The following ELMO1 variants were observed in gnomAD, a reference collection of about 807,000 sequenced individuals.
ELMO1 encodes the protein engulfment and cell motility protein 1.
Under a neutral mutation model 98.9 loss-of-function variants are expected in ELMO1, and 26 were observed. That is an observed-to-expected ratio of 0.26 (90% confidence interval 0.19 to 0.36). ELMO1 has a LOEUF of 0.36. Among genes scored for constraint, ELMO1 ranks in the 10% least tolerant of loss-of-function variants. The probability of loss-of-function intolerance (pLI) is 1.00; values close to 1 mark genes in which losing one functional copy is unlikely to be tolerated. For missense variants in ELMO1, 627 were observed against 935.2 expected, an observed-to-expected ratio of 0.67 and a Z score of 4.30; for synonymous variants, 346 against 346.0, an observed-to-expected ratio of 1.00 and a Z score of 0.00.
At chr7:37,344,846 C>A (rs965971405) in intron 1 of ELMO1, among the ~76,000 whole-genome samples, 4 of 152,202 alleles carry the variant, frequency 2.6e-5, no homozygotes, top group African/African-American at 9.7e-5. Context: ...ACATTTGTCC[C>A]TTTTCTATTG....
chr7:37,438,257 T>C (rs1044757049), intron 1 of ELMO1, among the ~76,000 whole-genome samples: 2 of 151,980 alleles, frequency 1.3e-5, no homozygotes, highest in African/African-American at 4.8e-5. Context: ...CTTTTTATGA[T>C]TTCAGCAAGA....
chr7:37,214,557 T>C (rs1487445688), intron 11 of ELMO1, among the ~76,000 whole-genome samples: 2 of 151,636 alleles, frequency 1.3e-5, no homozygotes, highest in South Asian at 4.2e-4. Context: ...CATGCTGAAA[T>C]AGCTAATTCA....
chr7:37,395,848 T>C (rs1208172253), intron 1 of ELMO1, among the ~76,000 whole-genome samples: 1 of 152,234 alleles, frequency 6.6e-6, no homozygotes, highest in African/African-American at 2.4e-5. Flanking sequence ...TGTGTAGTGC[T>C]ACAAGGAATA....
intron 1 of ELMO1, among the ~76,000 whole-genome samples, chr7:37,413,014 C>G (rs10273878): frequency 0.17 from 25,484 of 152,164 alleles, 2,315 homozygotes; most frequent in South Asian, 0.26. Flanking sequence ...CTGGGTTCCT[C>G]AACCACTAAA....
At chr7:37,250,791 CAAAAAAA>C (rs574487076) in intron 6 of ELMO1, among the ~76,000 whole-genome samples, 1 of 64,836 alleles carries the variant, frequency 1.5e-5, no homozygotes, top group African/African-American at 5.4e-5. Context: ...GACTCCGTCT[CAAAAAAA>C]AAAAAAAAAA....
At chr7:37,055,272 T>C (rs1340869568) in intron 15 of ELMO1, among the ~76,000 whole-genome samples, 1 of 152,186 alleles carries the variant, frequency 6.6e-6, no homozygotes, top group Non-Finnish European at 1.5e-5. Context: ...GTGAAGAACA[T>C]ACGCTTTAAA....
chr7:36,979,922 C>T (rs1790903833), intron 16 of ELMO1, among the ~76,000 whole-genome samples: 1 of 152,128 alleles, frequency 6.6e-6, no homozygotes, highest in African/African-American at 2.4e-5. Context: ...CAGAACTGCC[C>T]CAGATGCTAT....
At chr7:37,326,716 T>C (rs948626468) in intron 2 of ELMO1, among the ~76,000 whole-genome samples, 1 of 152,188 alleles carries the variant, frequency 6.6e-6, no homozygotes, top group African/African-American at 2.4e-5. Flanking sequence ...AAGTACAGTC[T>C]TTCTGTCATA....
At chr7:37,015,203 G>T (rs188829353) in intron 15 of ELMO1, among the ~76,000 whole-genome samples, 20 of 152,154 alleles carry the variant, frequency 1.3e-4, no homozygotes, top group African/African-American at 4.3e-4. Context: ...TGTAGGAAGA[G>T]TCCGGGGGTG....
Position 36,934,070 on chromosome 7 carries a change from G to C in ELMO1, c.1438-39053C>G, listed in dbSNP as rs927236357. Among the ~76,000 whole-genome samples the C allele has an allele frequency of 4.6e-5, 7 of 152,300 alleles. No individual in the cohort carries two copies. The East Asian group carries it at 1.4e-3, about 29-fold the overall frequency. On this transcript the variant is annotated intron_variant, in intron 16 of 21. Transcript: ENST00000310758. ...CTTCTGGGGTTGGAGAGACCCCTCTGGGAATGAAGCCAAGAGGGCTGGGTT... is the reference window on the plus strand; with the variant it reads ...CTTCTGGGGTTGGAGAGACCCCTCTCGGAATGAAGCCAAGAGGGCTGGGTT...
chr7:37,252,381 GAT>G (rs1174657154), intron 6 of ELMO1, among the ~76,000 whole-genome samples: 9 of 152,122 alleles, frequency 5.9e-5, no homozygotes, highest in Non-Finnish European at 2.9e-5. Flanking sequence ...TACCAAAACA[GAT>G]ATATAGACCA....
At chr7:36,896,377 G>A (rs916437611) in intron 16 of ELMO1, among the ~76,000 whole-genome samples, 2 of 152,150 alleles carry the variant, frequency 1.3e-5, no homozygotes, top group Admixed American at 6.5e-5. Flanking sequence ...CTTGCCTTCC[G>A]TGAACTAATG....
chr7:37,259,115 TG>T, intron 6 of ELMO1, 65 bp downstream of exon 6: 14 of 1,526,670 alleles, frequency 9.2e-6, no homozygotes, highest in Non-Finnish European at 1.2e-5. Flanking sequence ...GTGTAAGGCA[TG>T]TAACAATATT....
chr7:36,924,396 A>AT (rs1389072504), intron 16 of ELMO1, among the ~76,000 whole-genome samples: 2 of 152,180 alleles, frequency 1.3e-5, no homozygotes, highest in African/African-American at 4.8e-5. Context: ...CTGGCAGAGC[A>AT]TATCACCTTG....
chr7:37,344,698 C>A (rs1800910785), intron 1 of ELMO1, among the ~76,000 whole-genome samples: 1 of 152,070 alleles, frequency 6.6e-6, no homozygotes, highest in Admixed American at 6.5e-5. Flanking sequence ...CCAGCCTCAC[C>A]AACAGAATGA....
At chr7:36,887,366 G>A (rs1805110366) in intron 18 of ELMO1, among the ~76,000 whole-genome samples, 194 bp downstream of exon 18, 2 of 152,080 alleles carry the variant, frequency 1.3e-5, no homozygotes, top group Admixed American at 6.5e-5. Flanking sequence ...TCATTTCTGT[G>A]GCTCTTCTGG....
chr7:37,202,134 T>G (rs2130318937), intron 13 of ELMO1, among the ~76,000 whole-genome samples: 1 of 152,354 alleles, frequency 6.6e-6, no homozygotes, highest in South Asian at 2.1e-4. Context: ...TTTCAGTAAA[T>G]GTGTGTTTTT....
chr7:36,933,777 C>T (rs566355996), intron 16 of ELMO1, among the ~76,000 whole-genome samples: 18 of 152,140 alleles, frequency 1.2e-4, no homozygotes, highest in Admixed American at 8.5e-4. Flanking sequence ...AGAAAGGCAG[C>T]GGGCCTGAGG....
At chr7:37,081,728 C>G (rs1208014078) in intron 15 of ELMO1, among the ~76,000 whole-genome samples, 3 of 152,178 alleles carry the variant, frequency 2.0e-5, no homozygotes, top group Non-Finnish European at 2.9e-5. Flanking sequence ...TCCATTAAAC[C>G]TCTTTTTCTT....
Sources: allele counts gnomAD v4.1 joint callset (sites outside exome capture counted in the v4.1 genomes callset), GRCh38; gene constraint gnomAD v4.1.1; transcripts MANE v1.5; gene names NCBI Gene and HGNC (gene_info 2026-07-23, HGNC 2026-07-21).